SOBP: variants seen among roughly 807,000 people sequenced by gnomAD.
SOBP encodes sine oculis binding protein homolog.
A neutral mutation model predicts 53.6 loss-of-function variants in SOBP; 4 were observed. The ratio of observed to expected loss-of-function variants is 0.07; its 90% confidence interval spans 0.04 to 0.17. SOBP has a LOEUF of 0.17. Among genes scored for constraint, SOBP ranks in the 10% least tolerant of loss-of-function variants. The pLI is 1.00. For missense variants in SOBP, 1,088 were observed against 1,204.7 expected, an observed-to-expected ratio of 0.90 and a Z score of 1.43; for synonymous variants, 584 against 522.6, an observed-to-expected ratio of 1.12 and a Z score of -1.60.
chr6:107,570,861 T>A (rs569254417), intron 4 of SOBP, among the ~76,000 whole-genome samples: 1 of 152,386 alleles, frequency 6.6e-6, no homozygotes, highest in African/African-American at 2.4e-5. Flanking sequence ...GAATTACTTG[T>A]AAGCTTTCTC....
chr6:107,558,559 C>T (rs1015193233), intron 4 of SOBP, among the ~76,000 whole-genome samples: 4 of 152,008 alleles, frequency 2.6e-5, no homozygotes, highest in South Asian at 2.1e-4. Context: ...TGAGCCACCG[C>T]GCCCGGCCTA....
At chr6:107,580,729 A>G (rs1463337034) in intron 4 of SOBP, among the ~76,000 whole-genome samples, 1 of 152,198 alleles carries the variant, frequency 6.6e-6, no homozygotes, top group Non-Finnish European at 1.5e-5. Context: ...TGGGGCAAAA[A>G]GATGATTGGC....
chr6:107,618,290 G>T (rs1786873223), intron 5 of SOBP, among the ~76,000 whole-genome samples: 1 of 152,184 alleles, frequency 6.6e-6, no homozygotes, highest in Non-Finnish European at 1.5e-5. Flanking sequence ...AGTATTAAGG[G>T]CATTCATAGT....
intron 3 of SOBP, among the ~76,000 whole-genome samples, chr6:107,510,027 A>T (rs1317499979): frequency 6.6e-6 from 1 of 152,224 alleles, no homozygotes; most frequent in Non-Finnish European, 1.5e-5. Context: ...AGGAACTTAC[A>T]GGGAAGTTGA....
At chr6:107,574,007 A>G (rs1209005992) in intron 4 of SOBP, among the ~76,000 whole-genome samples, 4 of 152,216 alleles carry the variant, frequency 2.6e-5, no homozygotes, top group Non-Finnish European at 5.9e-5. Context: ...TAGATGCTCA[A>G]TAAGTGGAGA....
At chr6:107,495,620 T>C (rs945784487) in intron 1 of SOBP, among the ~76,000 whole-genome samples, 10 of 151,898 alleles carry the variant, frequency 6.6e-5, no homozygotes, top group African/African-American at 2.4e-4. Flanking sequence ...CAAGCCCTAC[T>C]CTCCTTGTGT....
At chr6:107,562,602 G>A (rs1454650831) in intron 4 of SOBP, among the ~76,000 whole-genome samples, 1 of 152,150 alleles carries the variant, frequency 6.6e-6, no homozygotes, top group African/African-American at 2.4e-5. Flanking sequence ...AATAAAATCA[G>A]AAGTGTTTTT....
chr6:107,644,601 C>T (rs995779130), intron 6 of SOBP, among the ~76,000 whole-genome samples: 3 of 152,094 alleles, frequency 2.0e-5, no homozygotes, highest in African/African-American at 4.8e-5. Flanking sequence ...TGATCACAGG[C>T]CCCTGGGGCT....
chr6:107,630,490 G>A (rs1770659046), intron 5 of SOBP, among the ~76,000 whole-genome samples: 1 of 152,154 alleles, frequency 6.6e-6, no homozygotes, highest in Admixed American at 6.5e-5. Flanking sequence ...CTAGAAGTGT[G>A]TCATTAGTTA....
intron 6 of SOBP, among the ~76,000 whole-genome samples, chr6:107,648,355 T>C (rs1652677200): frequency 6.6e-6 from 1 of 151,914 alleles, no homozygotes. Context: ...CTTGAATGAG[T>C]CTCTAAATTC....
At chr6:107,529,648 C>T (rs749095692) in intron 3 of SOBP, 2 of 982,842 alleles carry the variant, frequency 2.0e-6, no homozygotes, top group South Asian at 9.4e-5. Flanking sequence ...AATTTAAATG[C>T]CCCAAGAAGA....
At chr6:107,591,968 GTTTTTTTTTTT>G (rs56210027) in intron 5 of SOBP, among the ~76,000 whole-genome samples, 8 of 88,638 alleles carry the variant, frequency 9.0e-5, no homozygotes, top group African/African-American at 1.7e-4. Flanking sequence ...GTCTTTTGGT[GTTTTTTTTTTT>G]TTTTTTTTTT....
intron 1 of SOBP, among the ~76,000 whole-genome samples, chr6:107,500,719 G>GT (rs1013791140): frequency 7.9e-5 from 12 of 151,466 alleles, no homozygotes; most frequent in Admixed American, 2.6e-4. Flanking sequence ...GACGGATGGG[G>GT]TTTCACCATG....
intron 4 of SOBP, among the ~76,000 whole-genome samples, chr6:107,562,825 G>A (rs1784810446): frequency 6.6e-6 from 1 of 152,132 alleles, no homozygotes; most frequent in South Asian, 2.1e-4. Context: ...ATATACTGCT[G>A]TACATGAAAT....
intron 4 of SOBP, among the ~76,000 whole-genome samples, chr6:107,543,322 A>T (rs1217785644): frequency 6.6e-6 from 1 of 152,214 alleles, no homozygotes; most frequent in Admixed American, 6.5e-5. Flanking sequence ...TGCTAGCAGC[A>T]ATCAGGGCTA....
intron 1 of SOBP, among the ~76,000 whole-genome samples, chr6:107,499,478 T>A (rs1441826910): frequency 6.6e-6 from 1 of 152,182 alleles, no homozygotes; most frequent in African/African-American, 2.4e-5. Context: ...TTGGACCACA[T>A]GGTTTGAGAG....
intron 4 of SOBP, among the ~76,000 whole-genome samples, chr6:107,536,642 A>AT (rs1784006684): frequency 6.6e-6 from 1 of 152,154 alleles, no homozygotes; most frequent in South Asian, 2.1e-4. Flanking sequence ...AGGTTAACCT[A>AT]TATAGTATAT....
chr6:107,513,851 T>C (rs953739603), intron 3 of SOBP: 1 of 152,734 alleles, frequency 6.5e-6, no homozygotes. Flanking sequence ...TGTAATGATA[T>C]AATCTCATCA....
chr6:107,533,323 G>GAAAGA, intron 3 of SOBP, 136 bp from the exon 4 acceptor site: 1 of 405,926 alleles, frequency 2.5e-6, no homozygotes, highest in Non-Finnish European at 4.5e-6. Flanking sequence ...GAGAGAGAGA[G>GAAAGA]AAAGAAAAAG....
Sources: allele counts gnomAD v4.1 joint callset (sites outside exome capture counted in the v4.1 genomes callset), GRCh38; gene constraint gnomAD v4.1.1; transcripts MANE v1.5; gene names NCBI Gene and HGNC (gene_info 2026-07-23, HGNC 2026-07-21).